The following GPC5 variants were observed in gnomAD, a reference collection of about 807,000 sequenced individuals.
The protein encoded by GPC5 is glypican-5.
A neutral mutation model predicts 53.9 loss-of-function variants in GPC5; 47 were observed. The observed-to-expected ratio is 0.87, with a 90% CI of 0.69 to 1.11. The LOEUF is 1.11. Ranked by LOEUF, GPC5 falls within the 50% of genes most tolerant of loss-of-function variation. GPC5 has a pLI of 0.00. For synonymous variants in GPC5, 286 were observed against 263.3 expected, an observed-to-expected ratio of 1.09 and a Z score of -0.84; for missense variants, 748 against 713.1, an observed-to-expected ratio of 1.05 and a Z score of -0.56.
At chr13:92,691,431 C>T (rs148635203) in intron 7 of GPC5, among the ~76,000 whole-genome samples, 101 of 143,684 alleles carry the variant, frequency 7.0e-4, no homozygotes, top group African/African-American at 2.2e-3. Flanking sequence ...GGCTCGCGCA[C>T]GGTGCGCACA....
intron 2 of GPC5, among the ~76,000 whole-genome samples, chr13:91,532,432 A>G (rs1031983084): frequency 1.3e-5 from 2 of 152,252 alleles, no homozygotes; most frequent in African/African-American, 4.8e-5. Flanking sequence ...TCTGATGATC[A>G]GAAACCTTTT....
chr13:92,477,601 TTG>T (rs1205957838), intron 7 of GPC5, among the ~76,000 whole-genome samples: 1 of 152,158 alleles, frequency 6.6e-6, no homozygotes, highest in African/African-American at 2.4e-5. Context: ...CTTGAAAATT[TTG>T]TGTTTTTATA....
At chr13:91,601,619 C>T (rs957655088) in intron 2 of GPC5, among the ~76,000 whole-genome samples, 4 of 151,912 alleles carry the variant, frequency 2.6e-5, no homozygotes, top group Admixed American at 2.0e-4. Flanking sequence ...CATAGGAGTG[C>T]GAATCCTATT....
chr13:91,649,168 A>G (rs2034635006), intron 2 of GPC5, among the ~76,000 whole-genome samples: 1 of 152,164 alleles, frequency 6.6e-6, no homozygotes, highest in Non-Finnish European at 1.5e-5. Flanking sequence ...AAGTTTCCTG[A>G]GACCTCCCCA....
chr13:92,163,460 C>CCAAAAAA (rs2042005389), intron 7 of GPC5, among the ~76,000 whole-genome samples: 1 of 90,356 alleles, frequency 1.1e-5, no homozygotes, highest in Admixed American at 1.2e-4. Context: ...GATTCCATCT[C>CCAAAAAA]AAAAAAAAAA....
intron 3 of GPC5, among the ~76,000 whole-genome samples, chr13:91,694,829 G>A (rs763246705): frequency 4.6e-5 from 7 of 152,264 alleles, no homozygotes; most frequent in South Asian, 2.1e-4. Flanking sequence ...GGCTGGTCTC[G>A]AACTCTTGAC....
intron 2 of GPC5, among the ~76,000 whole-genome samples, chr13:91,478,966 TGCAGTGCACCATCTTG>T (rs1883156265): frequency 6.8e-6 from 1 of 147,850 alleles, no homozygotes; most frequent in Admixed American, 6.8e-5. Context: ...CACGTTGGAG[TGCAGTGCACCATCTTG>T]GCTCACTGCA....
chr13:91,771,073 C>T (rs1045110789), intron 5 of GPC5, among the ~76,000 whole-genome samples: 31 of 152,068 alleles, frequency 2.0e-4, no homozygotes, highest in African/African-American at 7.2e-4. Flanking sequence ...CAACTTTTCT[C>T]ACAAAAGGTC....
chr13:92,594,001 A>G (rs1444899982), intron 7 of GPC5, among the ~76,000 whole-genome samples: 1 of 152,174 alleles, frequency 6.6e-6, no homozygotes, highest in African/African-American at 2.4e-5. Context: ...TAGTGTAGAC[A>G]AGGAAACAAC....
chr13:91,560,139 T>C (rs762238070), intron 2 of GPC5, among the ~76,000 whole-genome samples: 1 of 152,132 alleles, frequency 6.6e-6, no homozygotes, highest in Non-Finnish European at 1.5e-5. Flanking sequence ...AGTGGTGTTC[T>C]GTGTTAAATG....
At chr13:91,789,569 C>T (rs1045187310) in intron 5 of GPC5, among the ~76,000 whole-genome samples, 2 of 152,100 alleles carry the variant, frequency 1.3e-5, no homozygotes, top group Admixed American at 6.5e-5. Flanking sequence ...CCCTGCTAAA[C>T]TTGGCTTTAT....
At chr13:91,543,157 C>T (rs1254604654) in intron 2 of GPC5, among the ~76,000 whole-genome samples, 1 of 151,842 alleles carries the variant, frequency 6.6e-6, no homozygotes, top group African/African-American at 2.4e-5. Flanking sequence ...AGCCTGGCCA[C>T]TAATTTTGTA....
chr13:91,468,767 A>G (rs1170832548), intron 2 of GPC5, among the ~76,000 whole-genome samples: 3 of 152,074 alleles, frequency 2.0e-5, no homozygotes, highest in Non-Finnish European at 4.4e-5. Context: ...GCTTGGTCTG[A>G]TTAGTTTTAT....
intron 2 of GPC5, among the ~76,000 whole-genome samples, chr13:91,587,164 C>T (rs1279831647): frequency 1.3e-5 from 2 of 151,682 alleles, no homozygotes; most frequent in Non-Finnish European, 2.9e-5. Context: ...TATACTTATG[C>T]GTTAATAACG....
At chr13:92,792,876 T>C (rs1009019929) in intron 7 of GPC5, among the ~76,000 whole-genome samples, 1 of 152,074 alleles carries the variant, frequency 6.6e-6, no homozygotes, top group Non-Finnish European at 1.5e-5. Flanking sequence ...GGCACCCAGA[T>C]TCATAAAGCA....
At chr13:92,389,457 A>G (rs1874897985) in intron 7 of GPC5, among the ~76,000 whole-genome samples, 2 of 152,126 alleles carry the variant, frequency 1.3e-5, no homozygotes, top group Admixed American at 1.3e-4. Flanking sequence ...TCAAAAATGC[A>G]TCATGTATCA....
intron 2 of GPC5, among the ~76,000 whole-genome samples, chr13:91,549,444 T>C (rs2030496254): frequency 6.6e-6 from 1 of 152,092 alleles, no homozygotes; most frequent in Non-Finnish European, 1.5e-5. Flanking sequence ...AAAAAGATGA[T>C]GTCAAGAGAA....
At chr13:92,253,984 C>A (rs1218754419) in intron 7 of GPC5, among the ~76,000 whole-genome samples, 2 of 151,986 alleles carry the variant, frequency 1.3e-5, no homozygotes, top group African/African-American at 2.4e-5. Context: ...GAAAAGGAAC[C>A]CAAGGCCAGC....
At chr13:92,295,647 G>A (rs2043029313) in intron 7 of GPC5, among the ~76,000 whole-genome samples, 2 of 152,226 alleles carry the variant, frequency 1.3e-5, no homozygotes, top group East Asian at 3.9e-4. Context: ...CCAGTATTAG[G>A]TGCATATATG....
Sources: allele counts gnomAD v4.1 joint callset (sites outside exome capture counted in the v4.1 genomes callset), GRCh38; gene constraint gnomAD v4.1.1; transcripts MANE v1.5; gene names NCBI Gene and HGNC (gene_info 2026-07-23, HGNC 2026-07-21).